DLGAP2: variants seen among roughly 807,000 people sequenced by gnomAD.
The protein encoded by DLGAP2 is DLG associated protein 2.
Under a neutral mutation model 100.3 loss-of-function variants are expected in DLGAP2, and 26 were observed. The observed-to-expected ratio is 0.26, with a 90% CI of 0.19 to 0.36. The LOEUF (loss-of-function observed/expected upper bound fraction) is 0.36. DLGAP2 is among the 10% of genes least tolerant of loss of function. The pLI is 1.00. For synonymous variants in DLGAP2, 886 were observed against 630.1 expected (o/e 1.41, Z -6.08); for missense variants, 1,858 against 1,453.2 (o/e 1.28, Z -4.53).
chr8:1,690,094 C>T (rs1396213008), intron 12 of DLGAP2, among the ~76,000 whole-genome samples: 2 of 152,270 alleles, frequency 1.3e-5, no homozygotes, highest in East Asian at 1.9e-4. Context: ...CGGTGGCTCA[C>T]GCCTGTAATC....
chr8:1,437,523 G>T (rs4524827), intron 3 of DLGAP2, among the ~76,000 whole-genome samples: 2,434 of 152,212 alleles, frequency 0.016, 65 homozygotes, highest in African/African-American at 0.056. Context: ...TAACCTCCTG[G>T]AACACCTTAG....
intron 3 of DLGAP2, among the ~76,000 whole-genome samples, chr8:1,389,270 C>G (rs79796634): frequency 0.01 from 1,438 of 142,408 alleles, 55 homozygotes; most frequent in African/African-American, 0.041. Flanking sequence ...TGGCTTCCTC[C>G]CAGTCAGTGG....
chr8:1,450,582 T>C (rs1416759972), intron 3 of DLGAP2, among the ~76,000 whole-genome samples: 1 of 152,070 alleles, frequency 6.6e-6, no homozygotes, highest in African/African-American at 2.4e-5. Context: ...CTGTGAACCA[T>C]GGCCCCAGGG....
chr8:772,528 G>C (rs2132610193), intron 1 of DLGAP2, among the ~76,000 whole-genome samples: 1 of 152,104 alleles, frequency 6.6e-6, no homozygotes, highest in South Asian at 2.1e-4. Flanking sequence ...TCACCATGTT[G>C]GCCAGGCTTG....
At chr8:1,231,260 T>G (rs1473878688) in intron 2 of DLGAP2, among the ~76,000 whole-genome samples, 1 of 152,178 alleles carries the variant, frequency 6.6e-6, no homozygotes, top group African/African-American at 2.4e-5. Flanking sequence ...CTAATTGTTA[T>G]AGAAATGTAA....
chr8:1,691,315 G>T (rs546500865), intron 12 of DLGAP2, among the ~76,000 whole-genome samples: 226 of 152,290 alleles, frequency 1.5e-3, no homozygotes, highest in Middle Eastern at 6.8e-3. Context: ...TACCCAAGGA[G>T]AATGTCCTCA....
chr8:954,518 A>G (rs896650266), intron 2 of DLGAP2, among the ~76,000 whole-genome samples: 1 of 152,214 alleles, frequency 6.6e-6, no homozygotes, highest in Non-Finnish European at 1.5e-5. Flanking sequence ...AATGTAACTG[A>G]ATATTACACA....
intron 5 of DLGAP2, 62 bp from the exon 6 acceptor site, chr8:1,565,618 AAGG>A: frequency 7.5e-7 from 1 of 1,328,928 alleles, no homozygotes; most frequent in African/African-American, 1.5e-5. Context: ...TGTTTCCAAA[AAGG>A]AGCTGATGCT....
At chr8:982,331 A>AT (rs1379010795) in intron 2 of DLGAP2, among the ~76,000 whole-genome samples, 1 of 152,136 alleles carries the variant, frequency 6.6e-6, no homozygotes, top group Non-Finnish European at 1.5e-5. Context: ...TTACTGTAAT[A>AT]ATTTTTATTT....
At chr8:1,335,027 C>T (rs183388446) in intron 3 of DLGAP2, among the ~76,000 whole-genome samples, 6 of 152,272 alleles carry the variant, frequency 3.9e-5, no homozygotes, top group South Asian at 2.1e-4. Context: ...CTAAGTAAAT[C>T]GTAGCTGTTG....
At chr8:1,030,742 C>T (rs1408122878) in intron 2 of DLGAP2, among the ~76,000 whole-genome samples, 4 of 152,170 alleles carry the variant, frequency 2.6e-5, no homozygotes, top group African/African-American at 9.7e-5. Context: ...CCTCAGATGC[C>T]AGAATGCTTC....
At chr8:1,239,986 G>T (rs1217380780) in intron 2 of DLGAP2, among the ~76,000 whole-genome samples, 1 of 133,264 alleles carries the variant, frequency 7.5e-6, no homozygotes, top group Non-Finnish European at 1.6e-5. Flanking sequence ...GTCTTGTCTA[G>T]TTCTCTCTCA....
At chr8:1,039,712 T>G (rs1176361445) in intron 2 of DLGAP2, among the ~76,000 whole-genome samples, 1 of 117,178 alleles carries the variant, frequency 8.5e-6, no homozygotes, top group Non-Finnish European at 1.7e-5. Flanking sequence ...TCAGCTCGGT[T>G]TCCGTGGTCA....
chr8:1,622,945 C>A (rs1237516899), intron 6 of DLGAP2, among the ~76,000 whole-genome samples: 1 of 152,114 alleles, frequency 6.6e-6, no homozygotes, highest in African/African-American at 2.4e-5. Flanking sequence ...CTGGCGGGGC[C>A]ACCGGAGGGT....
At chr8:1,094,642 G>C (rs1563188290) in intron 2 of DLGAP2, among the ~76,000 whole-genome samples, 1 of 152,214 alleles carries the variant, frequency 6.6e-6, no homozygotes, top group Non-Finnish European at 1.5e-5. Context: ...CTTCTTTAGG[G>C]ATTTACCCGA....
At chr8:1,012,696 C>T (rs1309357679) in intron 2 of DLGAP2, among the ~76,000 whole-genome samples, 4 of 136,610 alleles carry the variant, frequency 2.9e-5, no homozygotes, top group African/African-American at 8.3e-5. Flanking sequence ...ACCAGTCCCC[C>T]CTACTTCAGC....
Position 1,701,522 on chromosome 8 carries a change from C to G in DLGAP2, c.*116C>G. The G allele has an allele frequency of 1.7e-6, 2 of 1,142,998 alleles. No individual in the cohort carries two copies. The highest frequency in any genetic ancestry group is 2.4e-6 in the Non-Finnish European group (2 of 831,042). The allele number at this position is 1,142,998 out of a possible 1,614,324, so 70.8% of individuals were successfully genotyped here. On this transcript the variant is annotated 3_prime_UTR_variant, in exon 15 of 15. Transcript: ENST00000637795. ...CCCGCTGAACACGTCCTCGCTCCCG[C>G]GCTCCCCGCGCCCCGGACACAGCGG...
chr8:893,461 A>T (rs1246849426), intron 1 of DLGAP2, among the ~76,000 whole-genome samples: 2 of 152,220 alleles, frequency 1.3e-5, no homozygotes, highest in African/African-American at 4.8e-5. Context: ...AATTAGGCAG[A>T]TGGAGCAAAT....
chr8:1,006,815 G>A (rs1184988959), intron 2 of DLGAP2, among the ~76,000 whole-genome samples: 6 of 53,150 alleles, frequency 1.1e-4, no homozygotes, highest in South Asian at 1.2e-3. Flanking sequence ...TCACGTCGGG[G>A]GCGCCCTGCG....
Sources: allele counts gnomAD v4.1 joint callset (sites outside exome capture counted in the v4.1 genomes callset), GRCh38; gene constraint gnomAD v4.1.1; transcripts MANE v1.5; gene names NCBI Gene and HGNC (gene_info 2026-07-23, HGNC 2026-07-21).